The following EMB variants were observed in gnomAD, a reference collection of about 807,000 sequenced individuals.
The protein encoded by EMB is embigin homolog.
In EMB, 31 loss-of-function variants were observed where a neutral mutation model predicts 41.4. The observed-to-expected ratio is 0.75, with a 90% confidence interval of 0.56 to 1.01. The LOEUF (loss-of-function observed/expected upper bound fraction) is 1.01. Among genes scored for constraint, EMB ranks in the 50% least tolerant of loss-of-function variants. The probability of loss-of-function intolerance (pLI) is 0.00; values close to 1 mark genes in which losing one functional copy is unlikely to be tolerated. For missense variants in EMB, 379 were observed against 388.3 expected, an observed-to-expected ratio of 0.98 and a Z score of 0.20; for synonymous variants, 137 against 140.4, an observed-to-expected ratio of 0.98 and a Z score of 0.17.
At chr5:50,411,585 A>G in intron 2 of EMB, 1 of 414,812 alleles carries the variant, frequency 2.4e-6, no homozygotes, top group Non-Finnish European at 4.3e-6. Context: ...TTTTGATTCA[A>G]CATTAACACA....
chr5:50,440,271 C>G (rs1226384444), intron 1 of EMB, among the ~76,000 whole-genome samples: 1 of 152,166 alleles, frequency 6.6e-6, no homozygotes, highest in East Asian at 1.9e-4. Flanking sequence ...AGGTGGCTCA[C>G]GCCTGTAATC....
chr5:50,409,536 T>C (rs1375754263), intron 4 of EMB, among the ~76,000 whole-genome samples: 1 of 151,806 alleles, frequency 6.6e-6, no homozygotes, highest in African/African-American at 2.4e-5. Context: ...GTGTGTTTAG[T>C]ATTATTTTTT....
At chr5:50,425,625 C>T (rs1745597587) in intron 2 of EMB, among the ~76,000 whole-genome samples, 1 of 152,012 alleles carries the variant, frequency 6.6e-6, no homozygotes, top group African/African-American at 2.4e-5. Flanking sequence ...TTTAAAACCT[C>T]TGAGAGCAGA....
chr5:50,413,576 C>T (rs1253552736), intron 2 of EMB, among the ~76,000 whole-genome samples: 1 of 150,892 alleles, frequency 6.6e-6, no homozygotes, highest in Non-Finnish European at 1.5e-5. Context: ...TTTTCTTTTT[C>T]TTTCTTTCTT....
chr5:50,434,886 T>A (rs1745779081), intron 1 of EMB, among the ~76,000 whole-genome samples: 1 of 152,254 alleles, frequency 6.6e-6, no homozygotes, highest in African/African-American at 2.4e-5. Context: ...TACATCAGCA[T>A]ATATGTCATA....
intron 2 of EMB, among the ~76,000 whole-genome samples, chr5:50,419,829 C>T (rs1332053615): frequency 3.3e-5 from 5 of 152,266 alleles, no homozygotes; most frequent in Middle Eastern, 3.4e-3. Context: ...TGCATATACA[C>T]GATGGAATAC....
chr5:50,428,126 G>A lies in EMB; in HGVS notation c.196+18C>T, dbSNP rs777681008. The A allele has an allele frequency of 1.3e-6, 2 of 1,548,660 alleles. No individual in the cohort carries two copies. Among genetic ancestry groups the A allele is most frequent in the Non-Finnish European group, 1.8e-6 (2 of 1,132,584 alleles). On this transcript the variant is annotated intron_variant, in intron 2 of 8. Transcript: ENST00000303221. ...CCCTTTTTTTCGAATTGCATTATTT[G>A]AAACATGATACATTTACCAGTCAGT...
At chr5:50,414,947 T>G (rs1745404561) in intron 2 of EMB, among the ~76,000 whole-genome samples, 1 of 152,160 alleles carries the variant, frequency 6.6e-6, no homozygotes, top group South Asian at 2.1e-4. Context: ...CTTTGTTGGA[T>G]TCAACTATTA....
At chr5:50,407,277 A>G (rs1745264018) in intron 4 of EMB, among the ~76,000 whole-genome samples, 1 of 151,946 alleles carries the variant, frequency 6.6e-6, no homozygotes, top group Non-Finnish European at 1.5e-5. Flanking sequence ...TTGGGGAAAA[A>G]CCTGGCAGAA....
intron 5 of EMB, among the ~76,000 whole-genome samples, chr5:50,404,002 G>A (rs1055792259): frequency 1.3e-5 from 2 of 151,868 alleles, no homozygotes; most frequent in Admixed American, 6.6e-5. Context: ...CCTGGGATCC[G>A]AAGTGAACTG....
intron 1 of EMB, among the ~76,000 whole-genome samples, chr5:50,434,485 C>A (rs1745771824): frequency 6.6e-6 from 1 of 152,122 alleles, no homozygotes; most frequent in Non-Finnish European, 1.5e-5. Context: ...TGAAGAAAAA[C>A]CACATGCTGG....
intron 4 of EMB, among the ~76,000 whole-genome samples, chr5:50,408,970 A>AC (rs1237980236): frequency 2.0e-5 from 3 of 152,138 alleles, no homozygotes; most frequent in African/African-American, 7.2e-5. Flanking sequence ...TCAAGATATA[A>AC]TACATACTTA....
At chr5:50,440,489 C>G (rs147910527) in intron 1 of EMB, among the ~76,000 whole-genome samples, 2 of 139,088 alleles carry the variant, frequency 1.4e-5, no homozygotes, top group African/African-American at 5.7e-5. Flanking sequence ...GCCGAGATCA[C>G]GCCATTGCAC....
chr5:50,396,609 G>A lies in EMB; in HGVS notation c.*2664C>T, dbSNP rs1474811158. On this transcript the variant is annotated 3_prime_UTR_variant, in exon 9 of 9. Transcript: ENST00000303221. ...TCTGAGCGGAATCTCCATGTGCCAA[G>A]TCTAGTTCAAGAGACTGGATAGAGA... 2.0e-5 allele frequency: 3 copies of A among 152,156 alleles called. No homozygotes were observed. The allele number at this position is 152,156 out of a possible 1,614,324, so 9.4% of individuals were successfully genotyped here.
chr5:50,406,753 T>TTG (rs796470234), intron 4 of EMB, among the ~76,000 whole-genome samples: 29 of 151,878 alleles, frequency 1.9e-4, no homozygotes, highest in Admixed American at 7.9e-4. Context: ...TCTTTTGGTT[T>TTG]TGTGTGTGTG....
intron 4 of EMB, among the ~76,000 whole-genome samples, chr5:50,408,359 A>C (rs1277675648): frequency 6.6e-6 from 1 of 152,052 alleles, no homozygotes; most frequent in Admixed American, 6.6e-5. Flanking sequence ...GGTGGCAAGT[A>C]ATCAGCAACT....
intron 2 of EMB, among the ~76,000 whole-genome samples, chr5:50,418,962 T>C (rs1044632724): frequency 2.0e-5 from 3 of 152,240 alleles, no homozygotes; most frequent in Admixed American, 6.5e-5. Context: ...TAAAATTACA[T>C]AGCACTGATG....
Position 50,399,161 on chromosome 5 carries a change from C to G in EMB, c.*112G>C, listed in dbSNP as rs1416161931. The G allele has an allele frequency of 3.3e-5, 49 of 1,484,956 alleles. No homozygotes were observed. The highest frequency in any genetic ancestry group is 3.6e-6 in the Non-Finnish European group (4 of 1,102,970). The allele number at this position is 1,484,956 out of a possible 1,614,324, so 92.0% of individuals were successfully genotyped here. A position where few individuals can be genotyped will look rare whatever the true frequency, so the allele number is the denominator to read the frequency against. On this transcript the variant is annotated 3_prime_UTR_variant, in exon 9 of 9. Transcript: ENST00000303221. ...GCTCCTGCTGAGCATGTTGCATAAG[C>G]TTTTCATCCTTTTAAAACTAAAAAC...
In EMB at chr5:50,411,365, A is replaced by G. The variant is rs557216110; in HGVS notation, c.215T>C (p.Val72Ala). ...CCTTTCTAAAGTGATATTTTTTTCT[A>G]CTGGCATACTAGAATGTTCTATTAG... ...ISLTEHSSMP[V>A]EKNITLERPS... The change falls in exon 3 of 9, where the codon GTA becomes GCA. Residue 72 changes from valine to alanine, a missense_variant. Val to Ala is a moderately conservative substitution (Grantham distance 64, BLOSUM62 0). Coordinates refer to ENST00000303221, the MANE Select transcript of EMB (RefSeq NM_198449.3). 5.6e-6 allele frequency: 9 copies of G among 1,603,344 alleles called. No homozygotes were observed. Among genetic ancestry groups the G allele is most frequent in the Admixed American group, 5.1e-5 (3 of 58,848 alleles).
Sources: gnomAD v4.1 joint callset for allele counts (sites outside exome capture counted in the v4.1 genomes callset) on GRCh38, gnomAD v4.1.1 for gene constraint, MANE v1.5 for transcripts, NCBI Gene and HGNC (gene_info 2026-07-23, HGNC 2026-07-21) for gene names.